FGD4: variants seen among roughly 807,000 people sequenced by gnomAD.
FGD4 encodes the protein FYVE, RhoGEF and PH domain containing 4, also known as FYVE, RhoGEF and PH domain-containing protein 4.
A neutral mutation model predicts 102.0 loss-of-function variants in FGD4; 42 were observed. The observed-to-expected ratio is 0.41, with a 90% confidence interval of 0.32 to 0.53. FGD4 has a LOEUF of 0.53. Among genes scored for constraint, FGD4 ranks in the 20% least tolerant of loss-of-function variants. The pLI is 0.21. For missense variants in FGD4, 902 were observed against 1,078.2 expected, an observed-to-expected ratio of 0.84 and a Z score of 2.29; for synonymous variants, 380 against 375.7, an observed-to-expected ratio of 1.01 and a Z score of -0.13.
chr12:32,585,274 A>G (rs1592306244), intron 4 of FGD4, among the ~76,000 whole-genome samples: 1 of 145,624 alleles, frequency 6.9e-6, no homozygotes, highest in African/African-American at 2.5e-5. Context: ...CTTAAAGGCA[A>G]CTTTTCTTTA....
At chr12:32,595,327 A>T (rs1947810170) in intron 4 of FGD4, among the ~76,000 whole-genome samples, 1 of 152,184 alleles carries the variant, frequency 6.6e-6, no homozygotes, top group Non-Finnish European at 1.5e-5. Context: ...TCATATATCA[A>T]CCAGGATGCT....
intron 1 of FGD4, among the ~76,000 whole-genome samples, chr12:32,452,880 T>G (rs1942818666): frequency 6.6e-6 from 1 of 151,984 alleles, no homozygotes; most frequent in Admixed American, 6.6e-5. Flanking sequence ...TCCCAGTTAC[T>G]CAGCAGGCTG....
chr12:32,539,578 A>G (rs879531366), intron 1 of FGD4, among the ~76,000 whole-genome samples: 87 of 145,932 alleles, frequency 6.0e-4, no homozygotes, highest in African/African-American at 1.3e-3. Context: ...TCAGGGGGGA[A>G]AAAAAAAAAA....
chr12:32,559,022 T>C (rs2136237190), intron 1 of FGD4, among the ~76,000 whole-genome samples: 1 of 152,344 alleles, frequency 6.6e-6, no homozygotes, highest in East Asian at 1.9e-4. Context: ...AAGGTAACTG[T>C]TTATAATTAT....
intron 1 of FGD4, among the ~76,000 whole-genome samples, chr12:32,543,815 G>T (rs1245520382): frequency 6.6e-6 from 1 of 152,040 alleles, no homozygotes; most frequent in Non-Finnish European, 1.5e-5. Context: ...TTTTAGTAGA[G>T]ACGGGGTTTC....
At chr12:32,604,239 AT>A (rs11396085) in intron 7 of FGD4, among the ~76,000 whole-genome samples, 23 of 150,198 alleles carry the variant, frequency 1.5e-4, no homozygotes, top group African/African-American at 3.4e-4. Flanking sequence ...TTGTAGATTG[AT>A]TTTTTTTTAA....
chr12:32,472,526 C>A (rs1316951270), intron 1 of FGD4, among the ~76,000 whole-genome samples: 3 of 152,250 alleles, frequency 2.0e-5, no homozygotes, highest in African/African-American at 7.2e-5. Flanking sequence ...GCTGCCTTTC[C>A]ACGGGGCAGG....
chr12:32,550,436 G>A (rs889266769), intron 1 of FGD4, among the ~76,000 whole-genome samples: 2 of 152,034 alleles, frequency 1.3e-5, no homozygotes, highest in African/African-American at 4.8e-5. Flanking sequence ...TTGGGAGGGC[G>A]AGGCAGTAGG....
At chr12:32,619,243 C>G (rs906757533) in intron 10 of FGD4, among the ~76,000 whole-genome samples, 2 of 151,926 alleles carry the variant, frequency 1.3e-5, no homozygotes, top group African/African-American at 4.8e-5. Flanking sequence ...AAGCATAAAC[C>G]TCAGTGTTTT....
intron 1 of FGD4, among the ~76,000 whole-genome samples, chr12:32,546,655 T>C (rs7972677): frequency 0.42 from 64,548 of 152,102 alleles, 15,714 homozygotes; most frequent in African/African-American, 0.68. Flanking sequence ...CCATAGAGCA[T>C]GGAGGGAAGT....
intron 2 of FGD4, among the ~76,000 whole-genome samples, chr12:32,566,551 C>G (rs1229786018): frequency 1.3e-5 from 2 of 152,102 alleles, no homozygotes; most frequent in Non-Finnish European, 2.9e-5. Context: ...CCCTTTGTTT[C>G]TGCTATTCTT....
chr12:32,603,876 A>G (rs996736761), intron 7 of FGD4, among the ~76,000 whole-genome samples: 2 of 151,396 alleles, frequency 1.3e-5, no homozygotes, highest in Non-Finnish European at 2.9e-5. Flanking sequence ...TAAATCTTAG[A>G]ATTTTTTTAT....
chr12:32,613,373 A>C (rs564185710), intron 10 of FGD4, among the ~76,000 whole-genome samples: 1 of 152,370 alleles, frequency 6.6e-6, no homozygotes, highest in Non-Finnish European at 1.5e-5. Context: ...TAGATTTCAA[A>C]GCTTTTTTTG....
intron 1 of FGD4, among the ~76,000 whole-genome samples, chr12:32,465,849 G>A (rs1943239622): frequency 6.6e-6 from 1 of 152,120 alleles, no homozygotes; most frequent in African/African-American, 2.4e-5. Context: ...TGCAGTCACT[G>A]GTCACTGCAA....
intron 15 of FGD4, among the ~76,000 whole-genome samples, chr12:32,635,827 A>G (rs1160145084): frequency 6.6e-6 from 1 of 151,990 alleles, no homozygotes; most frequent in Admixed American, 6.6e-5. Context: ...AGCCTGGTCA[A>G]CATGGTGAAA....
intron 2 of FGD4, among the ~76,000 whole-genome samples, chr12:32,571,492 A>G (rs1229823907): frequency 6.6e-6 from 1 of 152,176 alleles, no homozygotes; most frequent in African/African-American, 2.4e-5. Flanking sequence ...ATGTTAACCT[A>G]TAATCATGGG....
At chr12:32,543,265 T>C (rs1942983506) in intron 1 of FGD4, among the ~76,000 whole-genome samples, 2 of 152,280 alleles carry the variant, frequency 1.3e-5, no homozygotes, top group African/African-American at 4.8e-5. Context: ...TTCCTGAACA[T>C]GGGTGCTCCT....
chr12:32,416,439 T>A (rs1941415521), intron 1 of FGD4, among the ~76,000 whole-genome samples: 1 of 152,210 alleles, frequency 6.6e-6, no homozygotes, highest in Non-Finnish European at 1.5e-5. Flanking sequence ...TTTCCTGTCT[T>A]CCTTTTAGTG....
chr12:32,584,354 GTGT>G (rs1382788452), intron 4 of FGD4, among the ~76,000 whole-genome samples: 1 of 152,190 alleles, frequency 6.6e-6, no homozygotes. Context: ...CATCTCAGTA[GTGT>G]TAAGATGGTA....
Sources: allele counts gnomAD v4.1 joint callset (sites outside exome capture counted in the v4.1 genomes callset), GRCh38; gene constraint gnomAD v4.1.1; transcripts MANE v1.5; gene names NCBI Gene and HGNC (gene_info 2026-07-23, HGNC 2026-07-21).